The following NAMPT variants were observed in gnomAD, a reference collection of about 807,000 sequenced individuals.
The protein encoded by NAMPT is nicotinamide phosphoribosyltransferase.
In NAMPT, 7 loss-of-function variants were observed where a neutral mutation model predicts 58.7. That is an observed-to-expected ratio of 0.12 (90% CI 0.07 to 0.22). The LOEUF is 0.22. NAMPT is among the 10% of genes least tolerant of loss of function. NAMPT has a pLI of 1.00. For synonymous variants in NAMPT, 145 were observed against 198.1 expected (o/e 0.73, Z 2.25); for missense variants, 271 against 567.9 (o/e 0.48, Z 5.31).
At chr7:106,262,212 A>C (rs1792317266) in intron 7 of NAMPT, among the ~76,000 whole-genome samples, 1 of 152,134 alleles carries the variant, frequency 6.6e-6, no homozygotes, top group Non-Finnish European at 1.5e-5. Context: ...CATAGTCTCT[A>C]AGTTCTCCTT....
intron 8 of NAMPT, among the ~76,000 whole-genome samples, chr7:106,257,144 CAAAA>C (rs919905307): frequency 1.3e-3 from 182 of 136,400 alleles, no homozygotes; most frequent in Non-Finnish European, 2.3e-3. Context: ...AACTCCATCT[CAAAA>C]AAAAAAAAGA....
intron 8 of NAMPT, among the ~76,000 whole-genome samples, chr7:106,260,794 G>A (rs1792288709): frequency 6.6e-6 from 1 of 152,194 alleles, no homozygotes; most frequent in African/African-American, 2.4e-5. Flanking sequence ...AGCAGAGAAA[G>A]GGAATGGGTA....
At chr7:106,253,544 CCA>C (rs1792139511) in intron 9 of NAMPT, 1 of 170,420 alleles carries the variant, frequency 5.9e-6, no homozygotes, top group Non-Finnish European at 1.3e-5. Context: ...TACGCCAAAA[CCA>C]CACACACAAT....
intron 6 of NAMPT, among the ~76,000 whole-genome samples, chr7:106,266,030 C>A (rs1792401794): frequency 6.6e-6 from 1 of 152,094 alleles, no homozygotes; most frequent in Non-Finnish European, 1.5e-5. Flanking sequence ...AACTTTAGCT[C>A]CTCCTTTTGT....
intron 6 of NAMPT, among the ~76,000 whole-genome samples, chr7:106,266,628 G>C (rs762044985): frequency 7.2e-5 from 11 of 152,048 alleles, no homozygotes; most frequent in Non-Finnish European, 1.5e-4. Context: ...TATCTCCCAA[G>C]CCATTGCTCA....
intron 1 of NAMPT, among the ~76,000 whole-genome samples, chr7:106,280,397 G>A (rs1792738953): frequency 1.3e-5 from 2 of 152,110 alleles, no homozygotes; most frequent in African/African-American, 2.4e-5. Context: ...GTTAAGTAAC[G>A]CTAACAAAAA....
intron 6 of NAMPT, among the ~76,000 whole-genome samples, chr7:106,267,952 G>A (rs1792459791): frequency 6.8e-6 from 1 of 147,708 alleles, no homozygotes; most frequent in Admixed American, 6.9e-5. Flanking sequence ...TCTTTCTTGG[G>A]TAACTGGAGA....
intron 4 of NAMPT, chr7:106,270,150 G>T (rs1406551851): frequency 9.4e-6 from 2 of 212,994 alleles, no homozygotes; most frequent in African/African-American, 2.4e-5. Context: ...TTTCTTGGTT[G>T]TCAGGAAGCT....
At chr7:106,266,397 G>T (rs1046246036) in intron 6 of NAMPT, among the ~76,000 whole-genome samples, 1 of 152,132 alleles carries the variant, frequency 6.6e-6, no homozygotes, top group African/African-American at 2.4e-5. Context: ...TCTAATATGT[G>T]CATACTATGT....
chr7:106,276,811 C>T, intron 2 of NAMPT: 1 of 446,344 alleles, frequency 2.2e-6, no homozygotes, highest in Non-Finnish European at 4.1e-6. Context: ...CATTGCACTC[C>T]AGCCTGGCCA....
chr7:106,269,362 C>G lies in NAMPT; in HGVS notation c.448-50G>C, dbSNP rs144791750. 50 of 1,454,338 alleles carry G rather than the reference C, an allele frequency of 3.4e-5. No individual in the cohort carries two copies. The Admixed American group carries it at 4.7e-4, about 14-fold the overall frequency. The allele number at this position is 1,454,338 out of a possible 1,614,324, so 90.1% of individuals were successfully genotyped here. A position where few individuals can be genotyped will look rare whatever the true frequency, so the allele number is the denominator to read the frequency against. On this transcript the variant is annotated intron_variant, in intron 4 of 10. Coordinates refer to ENST00000222553, the MANE Select transcript of NAMPT (RefSeq NM_005746.3). ...ATATTAAGACATAAAATACTGCATTCTTTCTGAGGAAAATCCTAGCTTTTT... is the reference window on the plus strand; with the variant it reads ...ATATTAAGACATAAAATACTGCATTGTTTCTGAGGAAAATCCTAGCTTTTT...
intron 6 of NAMPT, 81 bp downstream of exon 6, chr7:106,268,383 G>T: frequency 7.7e-7 from 1 of 1,296,628 alleles, no homozygotes; most frequent in Non-Finnish European, 1.1e-6. Flanking sequence ...ACCTGGCTCT[G>T]CAGTTAGGTA....
intron 6 of NAMPT, among the ~76,000 whole-genome samples, chr7:106,266,709 G>C (rs1428041558): frequency 6.6e-6 from 1 of 152,130 alleles, no homozygotes; most frequent in Non-Finnish European, 1.5e-5. Flanking sequence ...TGCTGGAATA[G>C]CTTCCTATAA....
intron 10 of NAMPT, 29 bp downstream of exon 10, chr7:106,252,988 T>TA (rs1472904484): frequency 6.2e-7 from 1 of 1,601,624 alleles, no homozygotes; most frequent in African/African-American, 1.3e-5. Flanking sequence ...TACTATTGCT[T>TA]AAAAAAACCA....
rs1586007485 is a variant in NAMPT at position 106,249,458 on chromosome 7, A to G, written c.*1625T>C. The G allele has an allele frequency of 1.3e-5, 2 of 152,506 alleles. No homozygotes were observed. Among genetic ancestry groups the G allele is most frequent in the South Asian group, 4.1e-4 (2 of 4,832 alleles). 9.4% of individuals were successfully genotyped at this position (152,506 alleles called of 1,614,324 possible). ...AAAAACTTTTCTAAATCAGTCTTCC[A>G]GTATCGGATTCTTAAGTGAGAAAAA... On this transcript the variant is annotated 3_prime_UTR_variant, in exon 11 of 11. Coordinates refer to ENST00000222553, the MANE Select transcript of NAMPT (RefSeq NM_005746.3).
chr7:106,266,950 C>A (rs1336082933), intron 6 of NAMPT, among the ~76,000 whole-genome samples: 1 of 152,200 alleles, frequency 6.6e-6, no homozygotes, highest in Non-Finnish European at 1.5e-5. Flanking sequence ...CCTGTCTTCT[C>A]AGTCTCCCCT....
At chr7:106,283,819 G>C (rs1377667055) in intron 1 of NAMPT, among the ~76,000 whole-genome samples, 2 of 151,960 alleles carry the variant, frequency 1.3e-5, no homozygotes, top group Non-Finnish European at 2.9e-5. Flanking sequence ...TACTTTCTCG[G>C]AATATCGGAG....
chr7:106,280,906 A>G (rs904754587), intron 1 of NAMPT, among the ~76,000 whole-genome samples: 5 of 151,412 alleles, frequency 3.3e-5, no homozygotes, highest in African/African-American at 1.2e-4. Flanking sequence ...GTGCCACTGC[A>G]CTCCAGCCTG....
intron 8 of NAMPT, among the ~76,000 whole-genome samples, chr7:106,258,101 C>T (rs73720618): frequency 0.045 from 6,906 of 152,222 alleles, 201 homozygotes; most frequent in Middle Eastern, 0.11. Context: ...TTTTTCCTTT[C>T]CACATGAAAG....
Sources: gnomAD v4.1 joint callset for allele counts (sites outside exome capture counted in the v4.1 genomes callset) on GRCh38, gnomAD v4.1.1 for gene constraint, MANE v1.5 for transcripts, NCBI Gene and HGNC (gene_info 2026-07-23, HGNC 2026-07-21) for gene names.